UNC13B: variants seen among roughly 807,000 people sequenced by gnomAD.
UNC13B encodes the protein unc-13 homolog B.
In UNC13B, 144 loss-of-function variants were observed where a neutral mutation model predicts 211.0. The ratio of observed to expected loss-of-function variants is 0.68; its 90% CI spans 0.60 to 0.78. The LOEUF is 0.78. Among genes scored for constraint, UNC13B ranks in the 30% least tolerant of loss-of-function variants. The probability of loss-of-function intolerance (pLI) is 0.00; values close to 1 mark genes in which losing one functional copy is unlikely to be tolerated. For synonymous variants in UNC13B, 709 were observed against 725.8 expected (o/e 0.98, Z 0.37); for missense variants, 1,777 against 2,002.0 (o/e 0.89, Z 2.14).
At chr9:35,346,356 G>A (rs745397861) in intron 11 of UNC13B, among the ~76,000 whole-genome samples, 2 of 152,104 alleles carry the variant, frequency 1.3e-5, no homozygotes, top group Non-Finnish European at 2.9e-5. Context: ...ATTTGGGTTA[G>A]AAGCAGTTTT....
At chr9:35,267,201 C>T (rs190426691) in intron 7 of UNC13B, among the ~76,000 whole-genome samples, 1 of 152,310 alleles carries the variant, frequency 6.6e-6, no homozygotes, top group African/African-American at 2.4e-5. Context: ...GATGGACCAT[C>T]ACAAAGAGAT....
At chr9:35,346,676 G>A (rs1832377850) in intron 11 of UNC13B, among the ~76,000 whole-genome samples, 1 of 152,150 alleles carries the variant, frequency 6.6e-6, no homozygotes, top group Non-Finnish European at 1.5e-5. Flanking sequence ...GCACAGAAAG[G>A]TATGGTTTTT....
At chr9:35,316,458 A>C (rs1451146243) in intron 11 of UNC13B, among the ~76,000 whole-genome samples, 1 of 152,210 alleles carries the variant, frequency 6.6e-6, no homozygotes, top group East Asian at 1.9e-4. Flanking sequence ...TGCTTGGAAA[A>C]GGTATTGTGA....
intron 7 of UNC13B, among the ~76,000 whole-genome samples, chr9:35,259,523 G>T (rs1014791544): frequency 1.3e-5 from 2 of 151,990 alleles, no homozygotes; most frequent in African/African-American, 4.8e-5. Context: ...CATAGACATT[G>T]TTCCATTTTA....
chr9:35,393,831 A>G (rs1672147991), intron 26 of UNC13B, among the ~76,000 whole-genome samples: 1 of 152,028 alleles, frequency 6.6e-6, no homozygotes, highest in African/African-American at 2.4e-5. Context: ...TCAGCCTCCC[A>G]AAGTGCTGGG....
chr9:35,397,795 G>A, intron 30 of UNC13B, 83 bp downstream of exon 30: 3 of 1,464,044 alleles, frequency 2.0e-6, no homozygotes, highest in Non-Finnish European at 2.8e-6. Flanking sequence ...TCAGAATTGA[G>A]GGTTGGGGTG....
chr9:35,381,553 CA>C lies in UNC13B; in HGVS notation c.10492-2del. On this transcript the variant is annotated splice_acceptor_variant, in intron 19 of 39. Coordinates refer to ENST00000635942, the MANE Select transcript of UNC13B (RefSeq NM_001371189.2). LOFTEE classifies it high-confidence loss of function. ...TTCCCTTTCTCTGCTCTGTCTCCTG[CA>C]GAATCTTTTCCATTACCTCACAGAC... The C allele has an allele frequency of 6.2e-7, 1 of 1,612,494 alleles. No homozygotes were observed. Among genetic ancestry groups the C allele is most frequent in the South Asian group, 1.1e-5 (1 of 90,946 alleles).
At chr9:35,293,095 CTCCTTTGTCTCACT>C (rs1829175094) in intron 7 of UNC13B, among the ~76,000 whole-genome samples, 1 of 152,190 alleles carries the variant, frequency 6.6e-6, no homozygotes, top group African/African-American at 2.4e-5. Flanking sequence ...TTCTGTTTCT[CTCCTTTGTCTCACT>C]TTATTCCTTA....
intron 11 of UNC13B, chr9:35,364,620 C>T: frequency 2.0e-6 from 3 of 1,522,528 alleles, no homozygotes; most frequent in Non-Finnish European, 2.6e-6. Flanking sequence ...CCCTCCCCTC[C>T]TTCCCAAGCA....
Position 35,399,003 on chromosome 9 carries a change from C to G in UNC13B, c.12043C>G (p.Leu4015Val), listed in dbSNP as rs1235289708. ...ASAAQDADSV[L>V]RPLMDFLDGN... is the part of the protein sequence containing the mutation. ...AGCGGCTCAGGATGCAGATAGCGTACTCCGGCCTCTCATGGACTTCCTGGA... is the reference window on the plus strand; with the variant it reads ...AGCGGCTCAGGATGCAGATAGCGTAGTCCGGCCTCTCATGGACTTCCTGGA... Residue 4015 changes from leucine to valine, a missense_variant, in exon 33 of 40, where the codon CTC (leucine) becomes GTC (valine). Leu to Val is a conservative substitution (Grantham distance 32). Transcript: ENST00000635942. 6.2e-7 allele frequency: 1 copy of G among 1,614,136 alleles called. No individual in the cohort carries two copies.
chr9:35,229,151 T>C (rs769186618), intron 2 of UNC13B, among the ~76,000 whole-genome samples: 1 of 152,204 alleles, frequency 6.6e-6, no homozygotes, highest in African/African-American at 2.4e-5. Flanking sequence ...CTTATTTTAA[T>C]GTGCATTTCC....
At chr9:35,213,072 A>G (rs1824057990) in intron 1 of UNC13B, among the ~76,000 whole-genome samples, 1 of 152,206 alleles carries the variant, frequency 6.6e-6, no homozygotes. Context: ...CAATATATTG[A>G]GTGCTAACTG....
intron 11 of UNC13B, 93 bp from the exon 12 acceptor site, chr9:35,366,854 G>T: frequency 9.3e-7 from 1 of 1,080,820 alleles, no homozygotes; most frequent in Non-Finnish European, 1.4e-6. Context: ...GACTTACACT[G>T]CTCTGGGCTT....
At chr9:35,184,770 AAGG>A (rs1822251750) in intron 1 of UNC13B, among the ~76,000 whole-genome samples, 1 of 114,324 alleles carries the variant, frequency 8.7e-6, no homozygotes, top group Non-Finnish European at 1.8e-5. Flanking sequence ...GGAAGGAAGG[AAGG>A]AAGGAAGGAG....
At chr9:35,321,643 T>C (rs1161405249) in intron 11 of UNC13B, among the ~76,000 whole-genome samples, 1 of 152,056 alleles carries the variant, frequency 6.6e-6, no homozygotes, top group African/African-American at 2.4e-5. Context: ...AGTTTTTAAA[T>C]TTAAATTTTA....
intron 1 of UNC13B, among the ~76,000 whole-genome samples, chr9:35,201,648 G>T (rs1823298854): frequency 6.6e-6 from 1 of 152,148 alleles, no homozygotes; most frequent in Middle Eastern, 3.2e-3. Flanking sequence ...ATTCTCTGAT[G>T]GTAGTTTGTA....
rs570531594 is a variant in UNC13B at position 35,353,650 on chromosome 9, C to A, written c.9415-13297C>A. ...CCAGGCCTGGATCTCCCAAGCAGGG[C>A]AGACTGAGCCTAGAGCAAGTGTGTA... On this transcript the variant is annotated intron_variant, in intron 11 of 39. Coordinates refer to ENST00000635942, the MANE Select transcript of UNC13B (RefSeq NM_001371189.2). 2.4e-6 allele frequency: 3 copies of A among 1,232,114 alleles called. No individual in the cohort carries two copies. In the African/African-American group the frequency reaches 4.6e-5, roughly 19 times the overall value. The allele number at this position is 1,232,114 out of a possible 1,614,324, so 76.3% of individuals were successfully genotyped here. A position where few individuals can be genotyped will look rare whatever the true frequency, so the allele number is the denominator to read the frequency against.
chr9:35,206,354 A>T (rs1471559071), intron 1 of UNC13B, among the ~76,000 whole-genome samples: 3 of 152,070 alleles, frequency 2.0e-5, no homozygotes, highest in African/African-American at 7.2e-5. Flanking sequence ...TCCCAAGAAA[A>T]ATACCCATAC....
chr9:35,391,110 G>C (rs1218763084), intron 26 of UNC13B, among the ~76,000 whole-genome samples: 2 of 152,128 alleles, frequency 1.3e-5, no homozygotes, highest in African/African-American at 4.8e-5. Context: ...TCTTATGTTG[G>C]GGACTCTCTG....
Sources: allele counts gnomAD v4.1 joint callset (sites outside exome capture counted in the v4.1 genomes callset), GRCh38; gene constraint gnomAD v4.1.1; transcripts MANE v1.5; gene names NCBI Gene and HGNC (gene_info 2026-07-23, HGNC 2026-07-21).